RPH3AL: variants seen among roughly 807,000 people sequenced by gnomAD.
RPH3AL encodes rab effector Noc2.
In RPH3AL, 38 loss-of-function variants were observed where a neutral mutation model predicts 43.1. The ratio of observed to expected loss-of-function variants is 0.88; its 90% confidence interval spans 0.68 to 1.15. The LOEUF is 1.15. Among genes scored for constraint, RPH3AL ranks in the 50% most tolerant of loss-of-function variants. The pLI is 0.00. For missense variants in RPH3AL, 462 were observed against 423.2 expected, an observed-to-expected ratio of 1.09 and a Z score of -0.81; for synonymous variants, 189 against 176.3, an observed-to-expected ratio of 1.07 and a Z score of -0.57.
At chr17:260,601 G>C (rs1329100017) in intron 6 of RPH3AL, among the ~76,000 whole-genome samples, 1 of 152,150 alleles carries the variant, frequency 6.6e-6, no homozygotes, top group African/African-American at 2.4e-5. Context: ...ACCTGTGACT[G>C]AGCGGTCTTC....
At chr17:299,599 C>G (rs1164902195) in intron 5 of RPH3AL, among the ~76,000 whole-genome samples, 1 of 152,220 alleles carries the variant, frequency 6.6e-6, no homozygotes, top group Non-Finnish European at 1.5e-5. Context: ...GAACAGCAAA[C>G]AGCTGCAGGG....
chr17:261,059 G>T (rs2042184879), intron 6 of RPH3AL, among the ~76,000 whole-genome samples: 1 of 152,146 alleles, frequency 6.6e-6, no homozygotes, highest in Non-Finnish European at 1.5e-5. Flanking sequence ...ATGATGGCGG[G>T]AGCCAGGCAG....
intron 8 of RPH3AL, among the ~76,000 whole-genome samples, chr17:218,780 C>A (rs934596897): frequency 3.3e-5 from 5 of 152,192 alleles, no homozygotes; most frequent in African/African-American, 1.2e-4. Context: ...GCTTTGGAGG[C>A]CACCCGTTCT....
intron 3 of RPH3AL, among the ~76,000 whole-genome samples, chr17:326,244 C>G (rs2044617404): frequency 6.6e-6 from 1 of 152,260 alleles, no homozygotes; most frequent in African/African-American, 2.4e-5. Context: ...CAGATTCCTG[C>G]AAATCACGCA....
intron 6 of RPH3AL, among the ~76,000 whole-genome samples, chr17:249,941 ACCTCTCAGAGCCTTTACTAAGCTCCG>A (rs1555541681): frequency 3.4e-5 from 5 of 147,340 alleles, no homozygotes; most frequent in South Asian, 2.2e-4. Context: ...TCGCTGCGGG[ACCTCTCAGAGCCTTTACTAAGCTCCG>A]TCGCTGCAGG....
intron 5 of RPH3AL, among the ~76,000 whole-genome samples, chr17:282,180 G>A (rs2042796391): frequency 6.6e-6 from 1 of 152,216 alleles, no homozygotes; most frequent in Non-Finnish European, 1.5e-5. Context: ...CCAGGGGAGG[G>A]TCCAGGCAAA....
chr17:217,350 T>C (rs78833702), intron 8 of RPH3AL, among the ~76,000 whole-genome samples: 200 of 32,270 alleles, frequency 6.2e-3, no homozygotes, highest in African/African-American at 6.9e-3. Flanking sequence ...TTCTTCTGCA[T>C]TAAAATTGGC....
At position 215,617 on chromosome 17, in the gene RPH3AL, G is replaced by T; in HGVS notation, c.876+37C>A. 7.9e-7 allele frequency: 1 copy of T among 1,258,416 alleles called. No homozygotes were observed. The highest frequency in any genetic ancestry group is 1.0e-6 in the Non-Finnish European group (1 of 996,888). 78.0% of individuals were successfully genotyped at this position (1,258,416 alleles called of 1,614,324 possible). A position where few individuals can be genotyped will look rare whatever the true frequency, so the allele number is the denominator to read the frequency against. On this transcript the variant is annotated intron_variant, in intron 9 of 9. Transcript: ENST00000331302. The surrounding 1 kb of genome is among the most constrained non-coding windows in gnomAD (Gnocchi z 4.1). ...GAGTGAGAGAGGACACGGCCGCGGG[G>T]GCAGGAGAGGGGAGAAGGCAGCAGT...
chr17:295,843 T>C (rs2043164161), intron 5 of RPH3AL, among the ~76,000 whole-genome samples: 1 of 114,040 alleles, frequency 8.8e-6, no homozygotes, highest in African/African-American at 3.6e-5. Context: ...GCTGCAGAAA[T>C]GGACAGCAGA....
At chr17:277,453 A>G (rs1342213988) in intron 6 of RPH3AL, among the ~76,000 whole-genome samples, 2 of 152,234 alleles carry the variant, frequency 1.3e-5, no homozygotes, top group East Asian at 3.8e-4. Context: ...TTAAAAAATG[A>G]AAACTTCCAA....
intron 6 of RPH3AL, among the ~76,000 whole-genome samples, chr17:273,218 G>A (rs1349220603): frequency 1.9e-5 from 2 of 104,616 alleles, no homozygotes; most frequent in African/African-American, 3.1e-5. Context: ...TGACGTCAGG[G>A]TGAGACCCCA....
At chr17:315,694 CATTG>C (rs2044045132) in intron 5 of RPH3AL, among the ~76,000 whole-genome samples, 1 of 152,192 alleles carries the variant, frequency 6.6e-6, no homozygotes, top group African/African-American at 2.4e-5. Flanking sequence ...ACCCCACCTC[CATTG>C]ACCTGTAGTC....
intron 5 of RPH3AL, among the ~76,000 whole-genome samples, chr17:300,820 G>A (rs112187419): frequency 1.3e-4 from 15 of 118,924 alleles, no homozygotes; most frequent in South Asian, 5.1e-4. Flanking sequence ...TCTCTTACCC[G>A]CTCTAGCAGG....
chr17:240,920 T>C lies in RPH3AL; in HGVS notation c.613+6191A>G, dbSNP rs551145031. 6.6e-5 allele frequency among the ~76,000 whole-genome samples: 10 copies of C among 151,932 alleles called. No individual in the cohort carries two copies. In the South Asian group the frequency reaches 2.1e-3, roughly 32 times the overall value. On this transcript the variant is annotated intron_variant, in intron 7 of 9. Transcript: ENST00000331302. The stretch of plus-strand genomic sequence containing the variant: ...AAACATACAAAAAATGAGCTCGGCG[T>C]GTAGCGGGCGCCTGTAGTCCCAGCT...
At chr17:235,943 A>ATGGATCCCGGGTT (rs2041380035) in intron 7 of RPH3AL, among the ~76,000 whole-genome samples, 1 of 149,142 alleles carries the variant, frequency 6.7e-6, no homozygotes, top group Non-Finnish European at 1.5e-5. Context: ...CACTAACAAG[A>ATGGATCCCGGGTT]CAGATCCAGG....
chr17:215,510 C>T lies in RPH3AL; in HGVS notation c.876+144G>A. The T allele has an allele frequency of 1.3e-6, 1 of 746,638 alleles. No homozygotes were observed. Among genetic ancestry groups the T allele is most frequent in the Non-Finnish European group, 1.8e-6 (1 of 543,896 alleles). 46.3% of individuals were successfully genotyped at this position (746,638 alleles called of 1,614,324 possible). A position where few individuals can be genotyped will look rare whatever the true frequency, so the allele number is the denominator to read the frequency against. ...TTGCAGGCAGGGATGGGGTCTGGCT[C>T]ACCTTGTTCCCCCGCACAGTGCTTG... On this transcript the variant is annotated intron_variant, in intron 9 of 9. Transcript: ENST00000331302. This position sits in a 1 kb window ranked among gnomAD's most constrained non-coding sequence, Gnocchi z 4.1.
chr17:241,711 C>CTTTTTTT (rs1001979455), intron 7 of RPH3AL, among the ~76,000 whole-genome samples: 3 of 92,776 alleles, frequency 3.2e-5, no homozygotes, highest in Non-Finnish European at 4.4e-5. Context: ...GTTTCTTTTT[C>CTTTTTTT]TTTTTTTTTC....
At chr17:272,204 T>A (rs781087618) in intron 6 of RPH3AL, among the ~76,000 whole-genome samples, 10 of 152,312 alleles carry the variant, frequency 6.6e-5, no homozygotes, top group Non-Finnish European at 1.3e-4. Context: ...TGGTGATTCC[T>A]CAGGGATCTA....
At chr17:344,135 T>C (rs1221080729) in intron 1 of RPH3AL, among the ~76,000 whole-genome samples, 4 of 131,518 alleles carry the variant, frequency 3.0e-5, no homozygotes, top group African/African-American at 7.9e-5. Flanking sequence ...CCATCAGACA[T>C]TGTCATCATC....
Sources: gnomAD v4.1 joint callset for allele counts (sites outside exome capture counted in the v4.1 genomes callset) on GRCh38, gnomAD v4.1.1 for gene constraint, Gnocchi (gnomAD v3.1) non-coding constraint, MANE v1.5 for transcripts, NCBI Gene and HGNC (gene_info 2026-07-23, HGNC 2026-07-21) for gene names.